GRIN2C: variants seen among roughly 807,000 people sequenced by gnomAD.
The protein encoded by GRIN2C is glutamate ionotropic receptor NMDA type subunit 2C, also known as glutamate receptor ionotropic, NMDA 2C.
A neutral mutation model predicts 77.7 loss-of-function variants in GRIN2C; 64 were observed. The ratio of observed to expected loss-of-function variants is 0.82; its 90% confidence interval spans 0.67 to 1.01. GRIN2C has a LOEUF of 1.01. Among genes scored for constraint, GRIN2C ranks in the 50% least tolerant of loss-of-function variants. The probability of loss-of-function intolerance (pLI) is 0.00; values close to 1 mark genes in which losing one functional copy is unlikely to be tolerated. For missense variants in GRIN2C, 1,549 were observed against 1,486.0 expected, an observed-to-expected ratio of 1.04 and a Z score of -0.70; for synonymous variants, 792 against 643.4, an observed-to-expected ratio of 1.23 and a Z score of -3.49.
rs947173495 is a variant in GRIN2C at position 74,852,345 on chromosome 17, G to T, written c.666C>A (p.Pro222=). Residue 222 remains proline, a synonymous_variant, in exon 3 of 13, where the codon CCC becomes CCA. Coordinates refer to ENST00000293190, the MANE Select transcript of GRIN2C (RefSeq NM_000835.6). ...CGCGCGAGCAGTAGGCCACAAACAC[G>T]GGCGCGTCGAGCTGGCGCAGCAGGC... is the stretch of plus-strand genomic sequence containing the variant. The part of the protein sequence containing the change: ...TQRLLRQLDA[P]VFVAYCSREE... 5 of 1,454,888 alleles carry T rather than the reference G, an allele frequency of 3.4e-6. No homozygotes were observed. In the African/African-American group the frequency reaches 6.0e-5, roughly 17 times the overall value. The allele number at this position is 1,454,888 out of a possible 1,614,324, so 90.1% of individuals were successfully genotyped here.
Position 74,850,293 on chromosome 17 carries a change from C to T in GRIN2C, c.1404G>A (p.Val468=). 1 of 1,613,926 alleles carries T rather than the reference C, an allele frequency of 6.2e-7. No homozygotes were observed. The highest frequency in any genetic ancestry group is 8.5e-7 in the Non-Finnish European group (1 of 1,179,982). The change falls in exon 6 of 13, where the codon GTG becomes GTA. Residue 468 remains valine, a synonymous_variant. Coordinates refer to ENST00000293190, the MANE Select transcript of GRIN2C (RefSeq NM_000835.6). This position sits in a 1 kb window ranked among gnomAD's most constrained non-coding sequence, Gnocchi z 5.3. ...CIDILKKLAR[V]VKFSYDLYLV... ...GGTACAGGTCGTAGGAGAATTTGACCACTCTGGCCAGCTTCTTGAGGATGT... is the reference window on the plus strand; with the variant it reads ...GGTACAGGTCGTAGGAGAATTTGACTACTCTGGCCAGCTTCTTGAGGATGT...
chr17:74,852,366 C>T lies in GRIN2C; in HGVS notation c.645G>A (p.Leu215=), dbSNP rs1218202057. ...PGGPRARTQR[L]LRQLDAPVFV... Reference sequence around the variant, plus strand: ...ACACGGGCGCGTCGAGCTGGCGCAGCAGGCGCTGCGTGCGCGCGCGCGGCC... The same window carrying T: ...ACACGGGCGCGTCGAGCTGGCGCAGTAGGCGCTGCGTGCGCGCGCGCGGCC... Residue 215 remains leucine (L), a synonymous_variant, in exon 3 of 13, where the codon CTG becomes CTA. Transcript: ENST00000293190. 2.8e-6 allele frequency: 4 copies of T among 1,450,300 alleles called. No individual in the cohort carries two copies. The highest frequency in any genetic ancestry group is 2.8e-5 in the Admixed American group (1 of 35,452). The allele number at this position is 1,450,300 out of a possible 1,614,324, so 89.8% of individuals were successfully genotyped here.
chr17:74,860,144 C>T (rs1346130037), upstream of GRIN2C, among the ~76,000 whole-genome samples: 1 of 152,260 alleles, frequency 6.6e-6, no homozygotes, highest in Admixed American at 6.5e-5. Flanking sequence ...CCAGGTGTCC[C>T]GGACCTGCCT....
intron 1 of GRIN2C, among the ~76,000 whole-genome samples, chr17:74,856,406 C>T (rs983964279): frequency 3.9e-5 from 6 of 152,092 alleles, no homozygotes; most frequent in Admixed American, 2.0e-4. Context: ...GGATGGGGCC[C>T]GAGACAACTG....
chr17:74,847,954 C>G lies in GRIN2C; in HGVS notation c.1669G>C (p.Val557Leu), dbSNP rs754160979. Residue 557 changes from valine to leucine, a missense_variant, in exon 8 of 13, where the codon GTG (valine) becomes CTG (leucine). Val to Leu is a conservative substitution (Grantham distance 32, BLOSUM62 1). Coordinates refer to ENST00000293190, the MANE Select transcript of GRIN2C (RefSeq NM_000835.6). This position sits in a 1 kb window ranked among gnomAD's most constrained non-coding sequence, Gnocchi z 5.2. ...FLEPYSPAVWVMMFVMCLTVV... is the reference protein window; with the variant it reads ...FLEPYSPAVWLMMFVMCLTVV... ...GTGAGGCACATGACAAACATCATCA[C>G]CCACACTGCAGGGCTATATGGCTCT... 79 of 1,613,982 alleles carry G rather than the reference C, an allele frequency of 4.9e-5. No homozygotes were observed. The highest frequency in any genetic ancestry group is 5.8e-5 in the Non-Finnish European group (68 of 1,179,974).
At chr17:74,843,696 A>T in intron 12 of GRIN2C, 143 bp from the exon 13 acceptor site, 1 of 1,070,896 alleles carries the variant, frequency 9.3e-7, no homozygotes, top group Non-Finnish European at 1.3e-6. Flanking sequence ...CCCATGCGCC[A>T]GGCACTGTGC....
Position 74,843,109 on chromosome 17 carries a change from G to T in GRIN2C, c.3028C>A (p.His1010Asn). Residue 1010 changes from histidine to asparagine, a missense_variant, in exon 13 of 13, where the codon CAC becomes AAC. Physicochemically the swap from His to Asn is moderately conservative, Grantham distance 68. This residue lies in a region of GRIN2C where 450 missense variants were observed against 267.9 expected (regional missense o/e 1.68). Coordinates refer to ENST00000293190, the MANE Select transcript of GRIN2C (RefSeq NM_000835.6). ...GAGGCCGAGAGGTGCCTCCCGCAGT[G>T]CCCGGTCCGCACCGGCCACCGCGCC... Reference protein sequence around the residue: ...WEARWPVRTGHCGRHLSASER... With the variant: ...WEARWPVRTGNCGRHLSASER... The T allele has an allele frequency of 2.3e-6, 1 of 440,380 alleles. No homozygotes were observed. 27.3% of individuals were successfully genotyped at this position (440,380 alleles called of 1,614,324 possible).
In GRIN2C at chr17:74,842,392, A is replaced by C. The variant is rs978732415; in HGVS notation, c.*43T>G. On this transcript the variant is annotated 3_prime_UTR_variant, in exon 13 of 13. Coordinates refer to ENST00000293190, the MANE Select transcript of GRIN2C (RefSeq NM_000835.6). ...CCTGCCGCTTAACCCTGACAGTGGC[A>C]GGCAGAGAATCCAGCTGGCTCGGAG... The C allele has an allele frequency of 1.3e-5, 10 of 744,872 alleles. No individual in the cohort carries two copies. In the African/African-American group the frequency reaches 1.4e-4, roughly 10 times the overall value. The allele number at this position is 744,872 out of a possible 1,614,324, so 46.1% of individuals were successfully genotyped here. A position where few individuals can be genotyped will look rare whatever the true frequency, so the allele number is the denominator to read the frequency against.
Position 74,843,275 on chromosome 17 carries a change from C to T in GRIN2C, c.2862G>A (p.Glu954=), listed in dbSNP as rs2037353959. 5 of 990,528 alleles carry T rather than the reference C, an allele frequency of 5.0e-6. No individual in the cohort carries two copies. Among genetic ancestry groups the T allele is most frequent in the Admixed American group, 6.7e-5 (2 of 29,690 alleles). The allele number at this position is 990,528 out of a possible 1,614,324, so 61.4% of individuals were successfully genotyped here. Residue 954 remains glutamate (E), a synonymous_variant, in exon 13 of 13, where the codon GAG becomes GAA. Transcript: ENST00000293190. ...GCGGTCCCCAGCCCGTGGGGCTCGGCTCTGGGGGCGGGTCGGGGGTGGGCA... is the reference window on the plus strand; with the variant it reads ...GCGGTCCCCAGCCCGTGGGGCTCGGTTCTGGGGGCGGGTCGGGGGTGGGCA... The part of the protein sequence containing the change: ...PCLPTPDPPP[E]PSPTGWGPPD...
Position 74,849,745 on chromosome 17 carries a change from C to T in GRIN2C, c.1645+35G>A. On this transcript the variant is annotated intron_variant, in intron 7 of 12. Transcript: ENST00000293190. This position sits in a 1 kb window ranked among gnomAD's most constrained non-coding sequence, Gnocchi z 4.6. ...CACACCCTCCTCGTGGGCCCCTCTG[C>T]CCCCGGAGCCGTCTCTGCCCACCCT... 6.3e-7 allele frequency: 1 copy of T among 1,592,222 alleles called. No homozygotes were observed.
At position 74,852,068 on chromosome 17, in the gene GRIN2C, C is replaced by CG; in HGVS notation, c.942dup (p.Gly315ArgfsTer106). 1 of 1,456,368 alleles carries CG rather than the reference C, an allele frequency of 6.9e-7. No individual in the cohort carries two copies. Among genetic ancestry groups the CG allele is most frequent in the Non-Finnish European group, 9.1e-7 (1 of 1,103,352 alleles). 90.2% of individuals were successfully genotyped at this position (1,456,368 alleles called of 1,614,324 possible). A position where few individuals can be genotyped will look rare whatever the true frequency, so the allele number is the denominator to read the frequency against. On this transcript the variant is annotated frameshift_variant, in exon 3 of 13. Coordinates refer to ENST00000293190, the MANE Select transcript of GRIN2C (RefSeq NM_000835.6). LOFTEE classifies it high-confidence loss of function. ...GGCCCAGGGTGAACACGGCAGTCCCCGGCCGGGGCTGGCAGGGTTCCATGC... is the reference window on the plus strand; with the variant it reads ...GGCCCAGGGTGAACACGGCAGTCCCCGGGCCGGGGCTGGCAGGGTTCCATGC...
At chr17:74,856,214 C>A (rs1184219713) in intron 1 of GRIN2C, among the ~76,000 whole-genome samples, 1 of 152,348 alleles carries the variant, frequency 6.6e-6, no homozygotes, top group African/African-American at 2.4e-5. Context: ...TGCCATCTCT[C>A]CCATCTTCAT....
rs981347593 is a variant in GRIN2C, at chr17:74,843,033, G to A, written c.3104C>T (p.Ala1035Val). The change falls in exon 13 of 13, where the codon GCC becomes GTC. Residue 1035 changes from alanine (A) to valine (V), a missense_variant. By Grantham distance (64) the Ala-to-Val change is moderately conservative. Coordinates refer to ENST00000293190, the MANE Select transcript of GRIN2C (RefSeq NM_000835.6). The part of the protein sequence containing the change: ...ARCHYSSFPR[A>V]DRSGRPFLPL... ...GAGGAAGGGGCGGCCGGATCGGTCGGCTCGAGGAAAGGAGCTGTAGTGACA... is the reference window on the plus strand; with the variant it reads ...GAGGAAGGGGCGGCCGGATCGGTCGACTCGAGGAAAGGAGCTGTAGTGACA... The A allele has an allele frequency of 4.1e-6, 2 of 486,718 alleles. No homozygotes were observed. Among genetic ancestry groups the A allele is most frequent in the Non-Finnish European group, 7.3e-6 (2 of 273,072 alleles). 30.1% of individuals were successfully genotyped at this position (486,718 alleles called of 1,614,324 possible). A position where few individuals can be genotyped will look rare whatever the true frequency, so the allele number is the denominator to read the frequency against.
chr17:74,860,716 G>A, upstream of GRIN2C: 1 of 351,946 alleles, frequency 2.8e-6, no homozygotes, highest in South Asian at 2.1e-5. Flanking sequence ...AGCCGGGCAC[G>A]GGCCAGCATC....
At chr17:74,848,042 G>A (rs562778755) in intron 7 of GRIN2C, 65 bp from the exon 8 acceptor site, 3 of 1,584,128 alleles carry the variant, frequency 1.9e-6, no homozygotes, top group African/African-American at 2.7e-5. Flanking sequence ...CAGAAGCACT[G>A]GGTGGAGACA....
At position 74,847,913 on chromosome 17, in the gene GRIN2C, G is replaced by A. The variant is rs545207905; in HGVS notation, c.1710C>T (p.Thr570=). 1.7e-5 allele frequency: 27 copies of A among 1,613,924 alleles called. No individual in the cohort carries two copies. The highest frequency in any genetic ancestry group is 1.4e-4 in the South Asian group (13 of 91,078). ...FVMCLTVVAI[T]VFMFEYFSPV... The stretch of plus-strand genomic sequence containing the variant: ...GGCTGAAGTACTCGAACATGAAGAC[G>A]GTGATGGCCACCACAGTGAGGCACA... Residue 570 remains threonine (T), a synonymous_variant, in exon 8 of 13, where the codon ACC becomes ACT. Coordinates refer to ENST00000293190, the MANE Select transcript of GRIN2C (RefSeq NM_000835.6). The surrounding 1 kb of genome is among the most constrained non-coding windows in gnomAD (Gnocchi z 5.2).
intron 4 of GRIN2C, chr17:74,851,249 G>A (rs1191036421): frequency 3.5e-5 from 12 of 341,150 alleles, no homozygotes; most frequent in Non-Finnish European, 1.6e-5. Context: ...GTCTACTCAA[G>A]CACTTGTCCC....
intron 12 of GRIN2C, 187 bp downstream of exon 12, chr17:74,844,089 G>T (rs1157177505): frequency 1.7e-6 from 2 of 1,204,140 alleles, no homozygotes; most frequent in African/African-American, 3.1e-5. Flanking sequence ...GCCCAGGCTG[G>T]TCTCAAACTT....
chr17:74,852,576 G>T lies in GRIN2C; in HGVS notation c.435C>A (p.Ser145=). ...PGSAFLQLGV[S]LEQQLQVLFK... is the part of the protein sequence containing the mutation. ...ACAGCACCTGCAGCTGCTGCTCCAGGGACACGCCCAGCTGCAGGAAGGCGG... is the reference window on the plus strand; with the variant it reads ...ACAGCACCTGCAGCTGCTGCTCCAGTGACACGCCCAGCTGCAGGAAGGCGG... The change falls in exon 3 of 13, where the codon TCC becomes TCA. Residue 145 remains serine (S), a synonymous_variant. Coordinates refer to ENST00000293190, the MANE Select transcript of GRIN2C (RefSeq NM_000835.6). 1 of 1,470,254 alleles carries T rather than the reference G, an allele frequency of 6.8e-7. No homozygotes were observed. The highest frequency in any genetic ancestry group is 1.4e-5 in the South Asian group (1 of 73,452). 91.1% of individuals were successfully genotyped at this position (1,470,254 alleles called of 1,614,324 possible). A position where few individuals can be genotyped will look rare whatever the true frequency, so the allele number is the denominator to read the frequency against.
Sources: gnomAD v4.1 joint callset for allele counts (sites outside exome capture counted in the v4.1 genomes callset) on GRCh38, gnomAD v4.1.1 for gene constraint, gnomAD v4.1.1 regional missense constraint, Gnocchi (gnomAD v3.1) non-coding constraint, MANE v1.5 for transcripts, NCBI Gene and HGNC (gene_info 2026-07-23, HGNC 2026-07-21) for gene names.